The following ZNF124 variants were observed in gnomAD, a reference collection of about 807,000 sequenced individuals.
ZNF124 encodes zinc finger protein 124, also known as zinc finger protein HZF-16.
Under a neutral mutation model 26.6 loss-of-function variants are expected in ZNF124, and 25 were observed. That is an observed-to-expected ratio of 0.94 (90% CI 0.68 to 1.31). The LOEUF (loss-of-function observed/expected upper bound fraction) is 1.31. ZNF124 is among the 40% of genes most tolerant of loss of function. The probability of loss-of-function intolerance (pLI) is 0.00; values close to 1 mark genes in which losing one functional copy is unlikely to be tolerated. For missense variants in ZNF124, 444 were observed against 422.2 expected (o/e 1.05, Z -0.45); for synonymous variants, 129 against 133.3 (o/e 0.97, Z 0.22).
chr1:247,140,322 GCT>G (rs1024877211), intron 3 of ZNF124, among the ~76,000 whole-genome samples: 6 of 152,122 alleles, frequency 3.9e-5, no homozygotes, highest in Admixed American at 3.3e-4. Flanking sequence ...GTGTTTTTCT[GCT>G]CTGTCAGAAC....
chr1:247,148,224 G>A (rs1407854845), intron 3 of ZNF124, among the ~76,000 whole-genome samples: 1 of 152,178 alleles, frequency 6.6e-6, no homozygotes, highest in East Asian at 1.9e-4. Flanking sequence ...AGGTTGGCGA[G>A]TGGAGGGATC....
chr1:247,160,169 A>T (rs1673403128), intron 1 of ZNF124, among the ~76,000 whole-genome samples: 1 of 151,962 alleles, frequency 6.6e-6, no homozygotes, highest in African/African-American at 2.4e-5. Flanking sequence ...TATTTTTAGT[A>T]GAGACAGGAT....
rs926744607 is a variant in ZNF124 at position 247,170,701 on chromosome 1, A to G, written c.30+1147T>C. On this transcript the variant is annotated intron_variant, in intron 1 of 3. Coordinates refer to ENST00000543802, the MANE Select transcript of ZNF124 (RefSeq NM_001297568.2). ...TTACAACTCTAAGGGGGTCCACGTG[A>G]GAGGGTCGTGATCGATTGACCAAGC... is the stretch of plus-strand genomic sequence containing the variant. Among the ~76,000 whole-genome samples the G allele has an allele frequency of 9.8e-5, 14 of 143,284 alleles. 1 individual carries two copies. The highest frequency in any genetic ancestry group is 1.6e-4 in the Non-Finnish European group (11 of 67,286). The allele number at this position is 143,284 out of a possible 152,430, so 94.0% of individuals were successfully genotyped here. A position where few individuals can be genotyped will look rare whatever the true frequency, so the allele number is the denominator to read the frequency against.
At chr1:247,146,424 T>C (rs1672780888) in intron 3 of ZNF124, among the ~76,000 whole-genome samples, 1 of 152,204 alleles carries the variant, frequency 6.6e-6, no homozygotes, top group South Asian at 2.1e-4. Flanking sequence ...AATACAAAGC[T>C]AGGCAGCCCC....
intron 3 of ZNF124, among the ~76,000 whole-genome samples, chr1:247,132,399 A>T (rs572330772): frequency 6.6e-6 from 1 of 152,198 alleles, no homozygotes; most frequent in Non-Finnish European, 1.5e-5. Context: ...AATGATCACA[A>T]CATCTCTCCA....
chr1:247,159,770 T>G lies in ZNF124; in HGVS notation c.74A>C (p.Glu25Ala). Residue 25 changes from glutamate (E) to alanine (A), a missense_variant, in exon 2 of 4, where the codon GAG becomes GCG. Glu to Ala is a moderately radical substitution (Grantham distance 107). Transcript: ENST00000543802. ...FEDVAVNFTQ[E>A]EWALLDPSQK... ...GGAAGGATCCAACAAAGCCCACTCC[T>G]CCTGGGTGAAGTTCACAGCCACATC... The G allele has an allele frequency of 6.2e-7, 1 of 1,613,720 alleles. No homozygotes were observed. Among genetic ancestry groups the G allele is most frequent in the Non-Finnish European group, 8.5e-7 (1 of 1,179,904 alleles).
chr1:247,161,659 GAAAA>G (rs374388105), intron 1 of ZNF124, among the ~76,000 whole-genome samples: 1 of 150,394 alleles, frequency 6.6e-6, no homozygotes, highest in Non-Finnish European at 1.5e-5. Context: ...TAAAAAATGG[GAAAA>G]AAAAGCAAAA....
intron 1 of ZNF124, among the ~76,000 whole-genome samples, chr1:247,167,130 A>C (rs1673825505): frequency 6.6e-6 from 1 of 152,228 alleles, no homozygotes; most frequent in Non-Finnish European, 1.5e-5. Context: ...CTACAAGGAA[A>C]CTACAGTATG....
rs1428891105 is a variant in ZNF124, at chr1:247,157,038, T to A, written c.584A>T (p.Asp195Val). 6.2e-7 allele frequency: 1 copy of A among 1,614,018 alleles called. No homozygotes were observed. Reference sequence around the variant, plus strand: ...CTCTCCAGTATGAGTTCTTTCATGGTCACGAAGGTGACTGGAACGACTGAA... The same window carrying A: ...CTCTCCAGTATGAGTTCTTTCATGGACACGAAGGTGACTGGAACGACTGAA... ...KAFSRSSHLR[D>V]HERTHTGEKP... Residue 195 changes from aspartate to valine, a missense_variant, in exon 4 of 4, where the codon GAC (aspartate) becomes GTC (valine). By Grantham distance (152) the Asp-to-Val change is radical. Coordinates refer to ENST00000543802, the MANE Select transcript of ZNF124 (RefSeq NM_001297568.2).
intron 3 of ZNF124, among the ~76,000 whole-genome samples, chr1:247,131,262 C>T (rs1008683812): frequency 2.0e-5 from 3 of 152,088 alleles, no homozygotes; most frequent in African/African-American, 2.4e-5. Context: ...TGAGTGAGTG[C>T]GCTACCCAGC....
intron 3 of ZNF124, among the ~76,000 whole-genome samples, chr1:247,139,018 AAGTTGTCCTGCTTTTGCTTTG>A (rs1672559198): frequency 6.6e-6 from 1 of 152,150 alleles, no homozygotes; most frequent in Admixed American, 6.5e-5. Context: ...TCCCGACTTC[AAGTTGTCCTGCTTTTGCTTTG>A]AGTTGTCCTG....
chr1:247,165,840 C>T (rs1198635191), intron 1 of ZNF124, among the ~76,000 whole-genome samples: 2 of 152,090 alleles, frequency 1.3e-5, no homozygotes, highest in African/African-American at 2.4e-5. Context: ...ATTAAAACCA[C>T]GATGAGATAC....
chr1:247,162,618 CAAA>C (rs201609845), intron 1 of ZNF124, among the ~76,000 whole-genome samples: 7,158 of 78,514 alleles, frequency 0.091, 186 homozygotes, highest in Middle Eastern at 0.11. Flanking sequence ...TAACCCTTGG[CAAA>C]AAAAAAAAAA....
rs1484248601 is a variant in ZNF124 at position 247,160,804 on chromosome 1, C to T, written c.31-991G>A. On this transcript the variant is annotated intron_variant, in intron 1 of 3. Transcript: ENST00000543802. ...TTTAATTGGGAAATTGAGCCCAATC[C>T]ACGTGGTTACACAAAGAGAAAATGT... Among the ~76,000 whole-genome samples the T allele has an allele frequency of 2.0e-5, 3 of 152,130 alleles. No individual in the cohort carries two copies. In the East Asian group the frequency reaches 5.8e-4, roughly 29 times the overall value.
At chr1:247,166,754 T>C (rs567687803) in intron 1 of ZNF124, among the ~76,000 whole-genome samples, 25 of 152,328 alleles carry the variant, frequency 1.6e-4, no homozygotes, top group Middle Eastern at 3.4e-3. Flanking sequence ...TTATATGACA[T>C]TGATGTAGTA....
chr1:247,153,462 T>C (rs907189631), downstream of ZNF124, among the ~76,000 whole-genome samples: 15 of 152,334 alleles, frequency 9.8e-5, no homozygotes, highest in Admixed American at 5.2e-4. Flanking sequence ...ACGGAGTGCC[T>C]TTAACTGACA....
chr1:247,163,391 T>A (rs377220238), intron 1 of ZNF124, among the ~76,000 whole-genome samples: 1,074 of 18,728 alleles, frequency 0.057, 13 homozygotes, highest in Middle Eastern at 0.11. Context: ...CTAGCTAGAC[T>A]AATAAAGAAA....
chr1:247,131,712 G>A (rs1672373270), intron 3 of ZNF124, among the ~76,000 whole-genome samples: 1 of 152,130 alleles, frequency 6.6e-6, no homozygotes, highest in Admixed American at 6.5e-5. Context: ...CTTCTTCATT[G>A]GGTGGGGCTT....
intron 3 of ZNF124, among the ~76,000 whole-genome samples, chr1:247,146,291 G>A (rs541295159): frequency 3.3e-5 from 5 of 152,292 alleles, no homozygotes; most frequent in East Asian, 3.9e-4. Flanking sequence ...GATAGATTCC[G>A]ATTTTCCCTT....
Sources: allele counts gnomAD v4.1 joint callset (sites outside exome capture counted in the v4.1 genomes callset), GRCh38; gene constraint gnomAD v4.1.1; transcripts MANE v1.5; gene names NCBI Gene and HGNC (gene_info 2026-07-23, HGNC 2026-07-21).